Variants in ABCB11 observed in about 807,000 individuals in gnomAD.
ABCB11 encodes bile salt export pump.
ABCB11 carries 95 observed loss-of-function variants against 148.0 expected under a neutral mutation model. The observed-to-expected ratio is 0.64, with a 90% CI of 0.54 to 0.76. The LOEUF (loss-of-function observed/expected upper bound fraction) is 0.76. ABCB11 is among the 30% of genes least tolerant of loss of function. The probability of loss-of-function intolerance (pLI) is 0.00; values close to 1 mark genes in which losing one functional copy is unlikely to be tolerated. For synonymous variants in ABCB11, 591 were observed against 555.4 expected (o/e 1.06, Z -0.90); for missense variants, 1,523 against 1,617.8 (o/e 0.94, Z 1.01).
At chr2:168,935,126 C>T in intron 23 of ABCB11, 58 bp downstream of exon 23, 3 of 1,597,354 alleles carry the variant, frequency 1.9e-6, no homozygotes, top group Non-Finnish European at 2.6e-6. Flanking sequence ...ACTGACAGAA[C>T]CAGGCTATTC....
chr2:168,990,586 T>A (rs1371024382), intron 9 of ABCB11, among the ~76,000 whole-genome samples: 2 of 152,104 alleles, frequency 1.3e-5, no homozygotes, highest in African/African-American at 2.4e-5. Context: ...AATTGCCAAC[T>A]GCAACATCTT....
intron 19 of ABCB11, among the ~76,000 whole-genome samples, chr2:168,956,242 C>T (rs1692785862): frequency 6.6e-6 from 1 of 151,628 alleles, no homozygotes; most frequent in Non-Finnish European, 1.5e-5. Flanking sequence ...AATCCACCCA[C>T]CCATGATCCA....
chr2:168,936,822 T>G (rs953955383), intron 21 of ABCB11, among the ~76,000 whole-genome samples: 2 of 152,216 alleles, frequency 1.3e-5, no homozygotes, highest in African/African-American at 4.8e-5. Flanking sequence ...CTAAGCATAA[T>G]GTTTTCAAGC....
At chr2:168,963,907 A>G (rs975157075) in intron 18 of ABCB11, among the ~76,000 whole-genome samples, 1 of 151,900 alleles carries the variant, frequency 6.6e-6, no homozygotes, top group African/African-American at 2.4e-5. Flanking sequence ...ATAATCTGCT[A>G]AATATCTAGA....
intron 5 of ABCB11, among the ~76,000 whole-genome samples, chr2:169,005,071 G>A (rs1323878578): frequency 6.6e-6 from 1 of 152,088 alleles, no homozygotes; most frequent in African/African-American, 2.4e-5. Flanking sequence ...AGTGAAGTGG[G>A]CTCCGTGAAG....
downstream of ABCB11, among the ~76,000 whole-genome samples, chr2:168,918,171 C>T (rs941649856): frequency 3.9e-5 from 6 of 152,102 alleles, no homozygotes; most frequent in East Asian, 1.9e-4. Context: ...TTATTCCTTA[C>T]GTGGGGGCTG....
At chr2:168,980,281 A>C (rs1463782792) in intron 10 of ABCB11, among the ~76,000 whole-genome samples, 1 of 152,184 alleles carries the variant, frequency 6.6e-6, no homozygotes. Flanking sequence ...CTGTAGACCC[A>C]AAGTGGACTT....
rs941806343 is a variant in ABCB11 at position 168,998,693 on chromosome 2, CAT to C, written c.390-1973_390-1972del. Among the ~76,000 whole-genome samples the C allele has an allele frequency of 2.0e-5, 3 of 152,172 alleles. 1 individual carries two copies. The highest frequency in any genetic ancestry group is 7.2e-5 in the African/African-American group (3 of 41,548). On this transcript the variant is annotated intron_variant, in intron 5 of 27. Coordinates refer to ENST00000650372, the MANE Select transcript of ABCB11 (RefSeq NM_003742.4). ...GTCATTAAAAATGCCAGTTTACAAA[CAT>C]ATGTGGATTAAGGGTGTTGGGCACT...
chr2:168,922,360 G>T lies in ABCB11; in HGVS notation c.*1262C>A, dbSNP rs752485915. On this transcript the variant is annotated 3_prime_UTR_variant, in exon 28 of 28. Coordinates refer to ENST00000650372, the MANE Select transcript of ABCB11 (RefSeq NM_003742.4). ...TCAGAGAGGGAGTATGCAGTTTCTCGCTGGAACTGGGGAAAGGCAGCCATC... is the reference window on the plus strand; with the variant it reads ...TCAGAGAGGGAGTATGCAGTTTCTCTCTGGAACTGGGGAAAGGCAGCCATC... Among the ~76,000 whole-genome samples, 1 of 152,104 alleles carries T rather than the reference G, an allele frequency of 6.6e-6. No individual in the cohort carries two copies. The highest frequency in any genetic ancestry group is 2.1e-4 in the South Asian group (1 of 4,824).
At position 168,972,179 on chromosome 2, in the gene ABCB11, C is replaced by T. The variant is rs141899900; in HGVS notation, c.1435-129G>A. 5.3e-3 allele frequency: 4,077 copies of T among 770,788 alleles called. 33 individuals are homozygous for T. Among genetic ancestry groups the T allele is most frequent in the Non-Finnish European group, 5.4e-3 (2,603 of 479,504 alleles). 47.7% of individuals were successfully genotyped at this position (770,788 alleles called of 1,614,324 possible). On this transcript the variant is annotated intron_variant, in intron 13 of 27. Coordinates refer to ENST00000650372, the MANE Select transcript of ABCB11 (RefSeq NM_003742.4). ...TAAGATTCTAATGGAAACAATTCCTCTTGAAATGTGGTTCTTTATATAAGG... is the reference window on the plus strand; with the variant it reads ...TAAGATTCTAATGGAAACAATTCCTTTTGAAATGTGGTTCTTTATATAAGG...
At chr2:169,017,492 G>T (rs1695398860) in intron 2 of ABCB11, among the ~76,000 whole-genome samples, 1 of 152,136 alleles carries the variant, frequency 6.6e-6, no homozygotes, top group African/African-American at 2.4e-5. Flanking sequence ...AACACAACTG[G>T]ATTAGAATTA....
chr2:168,919,295 A>G (rs1298218801), downstream of ABCB11, among the ~76,000 whole-genome samples: 1 of 152,210 alleles, frequency 6.6e-6, no homozygotes, highest in East Asian at 1.9e-4. Flanking sequence ...CTTTCCACCT[A>G]GAGCTAATAG....
intron 1 of ABCB11, among the ~76,000 whole-genome samples, chr2:169,018,872 A>G (rs1695448281): frequency 6.6e-6 from 1 of 152,204 alleles, no homozygotes; most frequent in Non-Finnish European, 1.5e-5. Context: ...TCAAATAAAT[A>G]AAAATAAACA....
At chr2:168,980,555 A>C in intron 10 of ABCB11, among the ~76,000 whole-genome samples, 1 of 152,186 alleles carries the variant, frequency 6.6e-6, no homozygotes, top group East Asian at 1.9e-4. Flanking sequence ...TATCTGTATT[A>C]TTTCATTTTA....
intron 18 of ABCB11, among the ~76,000 whole-genome samples, chr2:168,963,777 T>C (rs951517000): frequency 6.6e-6 from 1 of 151,828 alleles, no homozygotes; most frequent in African/African-American, 2.4e-5. Flanking sequence ...CAAACACTTT[T>C]GTTGATCAAG....
At chr2:168,946,234 A>G (rs1164622151) in intron 19 of ABCB11, among the ~76,000 whole-genome samples, 2 of 151,882 alleles carry the variant, frequency 1.3e-5, no homozygotes, top group Non-Finnish European at 2.9e-5. Flanking sequence ...AATTAATTTG[A>G]GTCATTAAAA....
In ABCB11 at chr2:168,998,331, C is replaced by G. The variant is rs114953864; in HGVS notation, c.390-1609G>C. Among the ~76,000 whole-genome samples the G allele has an allele frequency of 4.5e-3, 681 of 151,944 alleles. 3 individuals are homozygous for G. The highest frequency in any genetic ancestry group is 0.015 in the African/African-American group (613 of 41,466). On this transcript the variant is annotated intron_variant, in intron 5 of 27. Coordinates refer to ENST00000650372, the MANE Select transcript of ABCB11 (RefSeq NM_003742.4). ...GGGGGAGGGATGGGGAGAGGTTGGT[C>G]AACAGGTACAAAGTTACTGTTCAGG...
chr2:169,016,763 A>C lies in ABCB11; in HGVS notation c.98+15T>G. 6.3e-7 allele frequency: 1 copy of C among 1,596,012 alleles called. No individual in the cohort carries two copies. The highest frequency in any genetic ancestry group is 8.6e-7 in the Non-Finnish European group (1 of 1,168,322). On this transcript the variant is annotated intron_variant, in intron 3 of 27. Coordinates refer to ENST00000650372, the MANE Select transcript of ABCB11 (RefSeq NM_003742.4). The stretch of plus-strand genomic sequence containing the variant: ...TTCTAGAAAAGATGCTGCATTGTTG[A>C]AATCAGTCACTTACCTTGATTTCTT...
At chr2:169,029,986 C>G (rs1287918885) in intron 1 of ABCB11, among the ~76,000 whole-genome samples, 3 of 150,930 alleles carry the variant, frequency 2.0e-5, no homozygotes, top group Admixed American at 1.3e-4. Flanking sequence ...ATGATCCACC[C>G]GCCTCGGCCT....
Sources: gnomAD v4.1 joint callset for allele counts (sites outside exome capture counted in the v4.1 genomes callset) on GRCh38, gnomAD v4.1.1 for gene constraint, MANE v1.5 for transcripts, NCBI Gene and HGNC (gene_info 2026-07-23, HGNC 2026-07-21) for gene names.